The following UGT3A2 variants were observed in gnomAD, a reference collection of about 807,000 sequenced individuals.
The protein encoded by UGT3A2 is UDP-glycosyltransferase 3A2.
UGT3A2 carries 32 observed loss-of-function variants against 39.8 expected under a neutral mutation model. The observed-to-expected ratio is 0.80, with a 90% CI of 0.61 to 1.08. UGT3A2 has a LOEUF of 1.08. UGT3A2 is among the 50% of genes least tolerant of loss of function. UGT3A2 has a pLI of 0.00. For synonymous variants in UGT3A2, 241 were observed against 230.7 expected (o/e 1.04, Z -0.40); for missense variants, 611 against 637.1 (o/e 0.96, Z 0.44).
chr5:36,062,686 A>C (rs1260376394), intron 2 of UGT3A2, among the ~76,000 whole-genome samples: 1 of 152,188 alleles, frequency 6.6e-6, no homozygotes, highest in African/African-American at 2.4e-5. Flanking sequence ...TGATGCCTCC[A>C]GCTTTGTTCT....
rs373545671 is a variant in UGT3A2, at chr5:36,036,003, A to G, written c.1296-29T>C. 1.5e-5 allele frequency: 24 copies of G among 1,605,094 alleles called. No homozygotes were observed. The African/African-American group carries it at 2.7e-4, about 18-fold the overall frequency. On this transcript the variant is annotated intron_variant, in intron 6 of 6. Transcript: ENST00000282507. The stretch of plus-strand genomic sequence containing the variant: ...TTGAGAGAGATAGAGAGGGGGCATT[A>G]CTAATGTGACCTCACAAGAGTTAGA...
At chr5:36,048,297 C>T (rs4869460) in intron 4 of UGT3A2, among the ~76,000 whole-genome samples, 6,092 of 152,274 alleles carry the variant, frequency 0.04, 188 homozygotes, top group East Asian at 0.12. Flanking sequence ...TGTGAAATTG[C>T]GCTGTGCATT....
chr5:36,057,752 G>A (rs920996460), intron 2 of UGT3A2, among the ~76,000 whole-genome samples: 1 of 151,852 alleles, frequency 6.6e-6, no homozygotes, highest in African/African-American at 2.4e-5. Flanking sequence ...TGTTGCCCAG[G>A]CTGGTTTTAA....
At chr5:36,042,191 A>G (rs1345747047) in intron 4 of UGT3A2, among the ~76,000 whole-genome samples, 1 of 152,062 alleles carries the variant, frequency 6.6e-6, no homozygotes, top group Non-Finnish European at 1.5e-5. Flanking sequence ...TCGACAATAT[A>G]ATAAGATATA....
At chr5:36,036,047 A>C in intron 6 of UGT3A2, 73 bp from the exon 7 acceptor site, 2 of 1,535,674 alleles carry the variant, frequency 1.3e-6, no homozygotes, top group South Asian at 1.2e-5. Flanking sequence ...TCCGTTCTAT[A>C]TGATGCACCA....
intron 4 of UGT3A2, among the ~76,000 whole-genome samples, chr5:36,045,929 GA>G (rs1162131303): frequency 2.7e-5 from 4 of 150,904 alleles, no homozygotes; most frequent in South Asian, 2.1e-4. Context: ...AACTCTACGA[GA>G]AAAAAAAATC....
chr5:36,043,471 T>G (rs1431620904), intron 4 of UGT3A2, among the ~76,000 whole-genome samples: 1 of 151,628 alleles, frequency 6.6e-6, no homozygotes, highest in African/African-American at 2.4e-5. Flanking sequence ...CTTAAAGAAT[T>G]GGAAAATCAA....
At chr5:36,047,755 G>A (rs185544135) in intron 4 of UGT3A2, among the ~76,000 whole-genome samples, 1 of 152,236 alleles carries the variant, frequency 6.6e-6, no homozygotes, top group Non-Finnish European at 1.5e-5. Context: ...GTGGAGGCCT[G>A]ATCCACCCAC....
intron 4 of UGT3A2, among the ~76,000 whole-genome samples, chr5:36,044,334 T>C (rs1351758494): frequency 6.6e-6 from 1 of 152,038 alleles, no homozygotes; most frequent in African/African-American, 2.4e-5. Context: ...AGAAGAAACA[T>C]ACCTCAACAC....
intron 2 of UGT3A2, among the ~76,000 whole-genome samples, chr5:36,053,718 T>C (rs1264586360): frequency 6.6e-6 from 1 of 152,214 alleles, no homozygotes; most frequent in African/African-American, 2.4e-5. Flanking sequence ...AGATCAGAAG[T>C]CCAAAATGGG....
Position 36,035,178 on chromosome 5 carries a change from T to G in UGT3A2, c.*520A>C, listed in dbSNP as rs1741778234. The G allele has an allele frequency of 6.1e-6, 1 of 163,328 alleles. No individual in the cohort carries two copies. The highest frequency in any genetic ancestry group is 1.4e-5 in the Non-Finnish European group (1 of 73,442). 10.1% of individuals were successfully genotyped at this position (163,328 alleles called of 1,614,324 possible). The stretch of plus-strand genomic sequence containing the variant: ...TGAGCCTGTGTCCGGCCCTGAACTC[T>G]CAAGCACAGGGCAGGCTTCCTGAGC... On this transcript the variant is annotated 3_prime_UTR_variant, in exon 7 of 7. Coordinates refer to ENST00000282507, the MANE Select transcript of UGT3A2 (RefSeq NM_174914.4).
chr5:36,043,926 T>C (rs900059524), intron 4 of UGT3A2, among the ~76,000 whole-genome samples: 1 of 152,012 alleles, frequency 6.6e-6, no homozygotes, highest in Non-Finnish European at 1.5e-5. Flanking sequence ...TTACCAAACA[T>C]TTAAAGAACT....
chr5:36,055,386 C>A (rs111541723), intron 2 of UGT3A2, among the ~76,000 whole-genome samples: 12,540 of 152,034 alleles, frequency 0.082, 802 homozygotes, highest in African/African-American at 0.18. Flanking sequence ...GCACGAGCCA[C>A]CATGCCTGGC....
At chr5:36,040,932 T>C (rs1459345778) in intron 4 of UGT3A2, among the ~76,000 whole-genome samples, 1 of 152,090 alleles carries the variant, frequency 6.6e-6, no homozygotes, top group Non-Finnish European at 1.5e-5. Flanking sequence ...AAAAAGTCTT[T>C]GTCTTGCAAT....
At chr5:36,037,763 G>T (rs370273530) in intron 6 of UGT3A2, 34 bp downstream of exon 6, 23 of 1,609,760 alleles carry the variant, frequency 1.4e-5, no homozygotes, top group Non-Finnish European at 1.9e-5. Flanking sequence ...GCCTTCATTC[G>T]TCATTATGAC....
At chr5:36,062,278 T>G (rs1439518143) in intron 2 of UGT3A2, among the ~76,000 whole-genome samples, 37 of 147,762 alleles carry the variant, frequency 2.5e-4, no homozygotes, top group African/African-American at 9.0e-4. Context: ...TGGCTTTTGT[T>G]GCCATTGCTT....
At chr5:36,046,709 A>T (rs72742501) in intron 4 of UGT3A2, among the ~76,000 whole-genome samples, 28,966 of 152,224 alleles carry the variant, frequency 0.19, 3,418 homozygotes, top group Non-Finnish European at 0.25. Context: ...GGGTGACTAC[A>T]GTCAACAATA....
intron 2 of UGT3A2, among the ~76,000 whole-genome samples, chr5:36,062,551 G>T (rs1207129380): frequency 6.6e-6 from 1 of 151,508 alleles, no homozygotes; most frequent in Non-Finnish European, 1.5e-5. Flanking sequence ...TCAGATAGTT[G>T]TAGATATGCG....
chr5:36,051,783 C>T, intron 3 of UGT3A2, 87 bp downstream of exon 3: 1 of 982,100 alleles, frequency 1.0e-6, no homozygotes, highest in Non-Finnish European at 1.5e-6. Flanking sequence ...TTTCTCTTAT[C>T]CTCATTCCAA....
Sources: gnomAD v4.1 joint callset for allele counts (sites outside exome capture counted in the v4.1 genomes callset) on GRCh38, gnomAD v4.1.1 for gene constraint, MANE v1.5 for transcripts, NCBI Gene and HGNC (gene_info 2026-07-23, HGNC 2026-07-21) for gene names.